The following EFHD1 variants were observed in gnomAD, a reference collection of about 807,000 sequenced individuals.
EFHD1 encodes the protein EF-hand domain-containing protein D1.
In EFHD1, 10 loss-of-function variants were observed where a neutral mutation model predicts 17.2. That is an observed-to-expected ratio of 0.58 (90% CI 0.36 to 0.99). The LOEUF is 0.99. Among genes scored for constraint, EFHD1 ranks in the 50% least tolerant of loss-of-function variants. The pLI, the probability that EFHD1 is intolerant of heterozygous loss-of-function variation, is 0.01. For missense variants in EFHD1, 310 were observed against 327.5 expected, an observed-to-expected ratio of 0.95 and a Z score of 0.41; for synonymous variants, 153 against 142.0, an observed-to-expected ratio of 1.08 and a Z score of -0.55.
chr2:232,675,237 GAAAGAAAAGAAAGA>G (rs888906390), intron 3 of EFHD1, among the ~76,000 whole-genome samples: 2 of 119,018 alleles, frequency 1.7e-5, no homozygotes, highest in Non-Finnish European at 1.8e-5. Context: ...AAGAAAGAGA[GAAAGAAAAGAAAGA>G]AAAGAAAAGA....
chr2:232,677,740 A>G (rs1055839263), intron 3 of EFHD1, among the ~76,000 whole-genome samples: 1 of 152,046 alleles, frequency 6.6e-6, no homozygotes, highest in Non-Finnish European at 1.5e-5. Context: ...AGACATTTAG[A>G]AAGTTGAGAA....
upstream of EFHD1, among the ~76,000 whole-genome samples, chr2:232,631,876 G>A (rs766792376): frequency 3.4e-4 from 51 of 151,678 alleles, 1 homozygote; most frequent in South Asian, 1.0e-3. Flanking sequence ...AGTGGTGGGC[G>A]CCTGTAATCC....
chr2:232,638,582 T>C (rs1574712064), intron 1 of EFHD1: 1 of 389,346 alleles, frequency 2.6e-6, no homozygotes, highest in East Asian at 7.3e-5. Flanking sequence ...GAGAAGCGGG[T>C]GTAGATTTGG....
intron 1 of EFHD1, among the ~76,000 whole-genome samples, chr2:232,634,732 C>T (rs776437510): frequency 2.6e-5 from 4 of 152,228 alleles, no homozygotes; most frequent in African/African-American, 9.6e-5. Flanking sequence ...ACTAGTCCAC[C>T]TCGTCGCCTG....
chr2:232,607,572 T>A (rs1183139229), intron 1 of EFHD1, among the ~76,000 whole-genome samples: 21 of 147,176 alleles, frequency 1.4e-4, no homozygotes, highest in Admixed American at 1.4e-3. Context: ...CCACCCTGGG[T>A]AACAGAGCGA....
chr2:232,617,377 G>C (rs914682155), intron 1 of EFHD1, among the ~76,000 whole-genome samples: 1 of 152,114 alleles, frequency 6.6e-6, no homozygotes, highest in African/African-American at 2.4e-5. Context: ...CTGGCCGGGC[G>C]CAGTGGCTCA....
At chr2:232,663,580 T>C (rs1694915748) in intron 2 of EFHD1, among the ~76,000 whole-genome samples, 1 of 152,140 alleles carries the variant, frequency 6.6e-6, no homozygotes, top group South Asian at 2.1e-4. Context: ...TTGACCATGC[T>C]GGTCTCAAAC....
At chr2:232,632,925 TCTC>T (rs1694229482), upstream of EFHD1, among the ~76,000 whole-genome samples, 1 of 152,206 alleles carries the variant, frequency 6.6e-6, no homozygotes. Context: ...CCAGGTTTCT[TCTC>T]TTTTCTTGTG....
At chr2:232,631,612 CA>C (rs1177135427), upstream of EFHD1, among the ~76,000 whole-genome samples, 1 of 149,910 alleles carries the variant, frequency 6.7e-6, no homozygotes, top group African/African-American at 2.5e-5. Flanking sequence ...CGCCCAGCCC[CA>C]GAGTTTCTTG....
At chr2:232,650,676 C>A (rs547007103) in intron 1 of EFHD1, among the ~76,000 whole-genome samples, 7 of 145,566 alleles carry the variant, frequency 4.8e-5, no homozygotes, top group African/African-American at 1.8e-4. Flanking sequence ...TCAAGCAATT[C>A]TTGTGCCTCA....
chr2:232,673,413 G>A (rs1695114950), intron 3 of EFHD1, among the ~76,000 whole-genome samples: 1 of 152,192 alleles, frequency 6.6e-6, no homozygotes, highest in Non-Finnish European at 1.5e-5. Flanking sequence ...GAGTGTCTGG[G>A]AATGTCTTAT....
At chr2:232,679,702 G>A (rs1430881822) in intron 3 of EFHD1, among the ~76,000 whole-genome samples, 1 of 147,354 alleles carries the variant, frequency 6.8e-6, no homozygotes, top group Non-Finnish European at 1.5e-5. Flanking sequence ...CCTGGGGGAT[G>A]GAGCAAGACG....
At chr2:232,675,852 G>A (rs1006275123) in intron 3 of EFHD1, among the ~76,000 whole-genome samples, 4 of 152,100 alleles carry the variant, frequency 2.6e-5, no homozygotes, top group Non-Finnish European at 5.9e-5. Flanking sequence ...AGGTTTGTAA[G>A]GAGGGGAGTT....
intron 1 of EFHD1, among the ~76,000 whole-genome samples, chr2:232,656,160 C>T (rs1453335568): frequency 6.6e-6 from 1 of 152,170 alleles, no homozygotes; most frequent in Non-Finnish European, 1.5e-5. Context: ...TGACCAGGCC[C>T]ATGGCCTCCC....
chr2:232,670,573 T>C (rs1695047047), intron 2 of EFHD1, among the ~76,000 whole-genome samples: 1 of 151,968 alleles, frequency 6.6e-6, no homozygotes, highest in Admixed American at 6.6e-5. Context: ...CAAGGATTAC[T>C]AACCAACCAT....
At chr2:232,657,683 C>A (rs551808459) in intron 1 of EFHD1, among the ~76,000 whole-genome samples, 1 of 151,184 alleles carries the variant, frequency 6.6e-6, no homozygotes, top group African/African-American at 2.4e-5. Context: ...TGGTGGTGGG[C>A]GCCTGTAATC....
At position 232,634,056 on chromosome 2, in the gene EFHD1, G is replaced by A. The variant is rs1694266126; in HGVS notation, c.302+50G>A. On this transcript the variant is annotated intron_variant, in intron 1 of 3. Transcript: ENST00000264059. ...GCCCCCGGGACCAGGGAGGGAGCGGGAGGGCTTTCTGGTCCGAAGTCCCGG... is the reference window on the plus strand; with the variant it reads ...GCCCCCGGGACCAGGGAGGGAGCGGAAGGGCTTTCTGGTCCGAAGTCCCGG... 1.9e-6 allele frequency: 3 copies of A among 1,590,540 alleles called. No individual in the cohort carries two copies. The East Asian group carries it at 6.8e-5, about 36-fold the overall frequency.
At chr2:232,642,608 A>G (rs1254153710) in intron 1 of EFHD1, among the ~76,000 whole-genome samples, 5 of 152,150 alleles carry the variant, frequency 3.3e-5, no homozygotes, top group Non-Finnish European at 1.5e-5. Context: ...GAAATGGGAG[A>G]TAAGAATCTT....
chr2:232,613,641 CACAT>C (rs1693849609), intron 1 of EFHD1, among the ~76,000 whole-genome samples: 2 of 54,786 alleles, frequency 3.7e-5, no homozygotes, highest in South Asian at 3.6e-4. Context: ...CATATACACA[CACAT>C]ACACACACAC....
Sources: allele counts gnomAD v4.1 joint callset (sites outside exome capture counted in the v4.1 genomes callset), GRCh38; gene constraint gnomAD v4.1.1; transcripts MANE v1.5; gene names NCBI Gene and HGNC (gene_info 2026-07-23, HGNC 2026-07-21).